The following MPZL1 variants were observed in gnomAD, a reference collection of about 807,000 sequenced individuals.
MPZL1 encodes the protein myelin protein zero-like protein 1.
In MPZL1, 16 loss-of-function variants were observed where a neutral mutation model predicts 29.3. That is an observed-to-expected ratio of 0.55 (90% confidence interval 0.37 to 0.83). The LOEUF (loss-of-function observed/expected upper bound fraction) is 0.83, where lower values mean the gene tolerates loss of function less well. Among genes scored for constraint, MPZL1 ranks in the 40% least tolerant of loss-of-function variants. MPZL1 has a pLI of 0.00. For missense variants in MPZL1, 279 were observed against 332.9 expected, an observed-to-expected ratio of 0.84 and a Z score of 1.26; for synonymous variants, 143 against 132.0, an observed-to-expected ratio of 1.08 and a Z score of -0.57.
At chr1:167,763,770 C>A (rs1661048493) in intron 1 of MPZL1, among the ~76,000 whole-genome samples, 1 of 152,156 alleles carries the variant, frequency 6.6e-6, no homozygotes. Flanking sequence ...GTTTGCATCT[C>A]CTCTGAAAGA....
At chr1:167,751,560 A>G (rs1276597864) in intron 1 of MPZL1, among the ~76,000 whole-genome samples, 2 of 151,650 alleles carry the variant, frequency 1.3e-5, no homozygotes, top group African/African-American at 4.8e-5. Context: ...AATCCCAGCT[A>G]CTCAGGAGGC....
At chr1:167,765,101 TC>T (rs1380047902) in intron 1 of MPZL1, 1 of 152,244 alleles carries the variant, frequency 6.6e-6, no homozygotes, top group Admixed American at 6.5e-5. Context: ...ATCCATAAGA[TC>T]TACAACACTA....
rs544161851 is a variant in MPZL1 at position 167,742,036 on chromosome 1, A to G, written c.91+19794A>G. Among the ~76,000 whole-genome samples the G allele has an allele frequency of 1.3e-4, 19 of 151,724 alleles. 1 individual carries two copies. The highest frequency in any genetic ancestry group is 4.6e-4 in the African/African-American group (19 of 41,400). ...TGACAAAGTGAGACCCTGCCCCCAG[A>G]AAAAAACCCTTGTTGGGAGGTCAAG... is the stretch of plus-strand genomic sequence containing the variant. On this transcript the variant is annotated intron_variant, in intron 1 of 5. Coordinates refer to ENST00000359523, the MANE Select transcript of MPZL1 (RefSeq NM_003953.6).
chr1:167,739,050 T>C (rs1165048901), intron 1 of MPZL1, among the ~76,000 whole-genome samples: 1 of 151,722 alleles, frequency 6.6e-6, no homozygotes, highest in Admixed American at 6.6e-5. Flanking sequence ...CAAGCGATTC[T>C]CCCACCTCAG....
intron 1 of MPZL1, among the ~76,000 whole-genome samples, chr1:167,747,433 C>T (rs1558114126): frequency 1.3e-5 from 2 of 152,164 alleles, no homozygotes; most frequent in African/African-American, 2.4e-5. Context: ...CTATGTTGCC[C>T]AGGCTGGTCT....
Position 167,722,116 on chromosome 1 carries a change from CGCGGCG to C in MPZL1, c.-23_-18del, listed in dbSNP as rs746853360. 43 of 1,233,258 alleles carry C rather than the reference CGCGGCG, an allele frequency of 3.5e-5. No homozygotes were observed. The African/African-American group carries it at 5.4e-4, about 16-fold the overall frequency. The allele number at this position is 1,233,258 out of a possible 1,614,324, so 76.4% of individuals were successfully genotyped here. A position where few individuals can be genotyped will look rare whatever the true frequency, so the allele number is the denominator to read the frequency against. ...CTCAGCGGGGACCCGGGCTCAGGGA[CGCGGCG>C]GCGGCGGCGGCGACTGCAGTGGCTG... On this transcript the variant is annotated 5_prime_UTR_variant, in exon 1 of 6. Coordinates refer to ENST00000359523, the MANE Select transcript of MPZL1 (RefSeq NM_003953.6).
At chr1:167,760,427 C>T (rs1279770216) in intron 1 of MPZL1, among the ~76,000 whole-genome samples, 1 of 152,120 alleles carries the variant, frequency 6.6e-6, no homozygotes, top group Non-Finnish European at 1.5e-5. Flanking sequence ...TGGTCTTGAT[C>T]TCCTGACCTC....
chr1:167,740,754 C>T (rs183092490), intron 1 of MPZL1, among the ~76,000 whole-genome samples: 1 of 152,350 alleles, frequency 6.6e-6, no homozygotes, highest in Admixed American at 6.5e-5. Flanking sequence ...TGCTTAACTC[C>T]ATTTAGAGGT....
intron 5 of MPZL1, among the ~76,000 whole-genome samples, chr1:167,778,567 T>TGGAC (rs1553256525): frequency 6.6e-6 from 1 of 151,418 alleles, no homozygotes; most frequent in Non-Finnish European, 1.5e-5. Context: ...GATGGATGGA[T>TGGAC]AGATTTAAAA....
intron 1 of MPZL1, among the ~76,000 whole-genome samples, chr1:167,755,414 C>T (rs1443041511): frequency 6.6e-6 from 1 of 152,120 alleles, no homozygotes; most frequent in Non-Finnish European, 1.5e-5. Flanking sequence ...TCCTGAAGAG[C>T]AATTTTAATA....
chr1:167,776,203 C>G (rs551514276), intron 5 of MPZL1, 37 bp downstream of exon 5: 1 of 1,485,128 alleles, frequency 6.7e-7, no homozygotes, highest in South Asian at 1.2e-5. Flanking sequence ...CTGCACTGTT[C>G]CCTACAGCTT....
At position 167,790,341 on chromosome 1, in the gene MPZL1, TG is replaced by T; in HGVS notation, c.*2422del. On this transcript the variant is annotated 3_prime_UTR_variant, in exon 6 of 6. Transcript: ENST00000359523. ...GACACCTCAAACTCTGTCAGTGCCC[TG>T]GCATTCTGGCAGAGAATCCTCACCA... The T allele has an allele frequency of 6.6e-6, 1 of 152,458 alleles. No individual in the cohort carries two copies. 9.4% of individuals were successfully genotyped at this position (152,458 alleles called of 1,614,324 possible).
In MPZL1 at chr1:167,789,414, C is replaced by T. The variant is rs10125; in HGVS notation, c.*1493C>T. On this transcript the variant is annotated 3_prime_UTR_variant, in exon 6 of 6. Transcript: ENST00000359523. ...TGAGGGGCAATGTTACTTTTTCTCC[C>T]TGTAGTTTGGAGTCCATTATGAGCT... is the stretch of plus-strand genomic sequence containing the variant. 26,194 of 152,020 alleles carry T rather than the reference C, an allele frequency of 0.17. 2,815 individuals carry two copies. Among genetic ancestry groups the T allele is most frequent in the East Asian group, 0.36 (1,879 of 5,158 alleles). The allele number at this position is 152,020 out of a possible 1,614,324, so 9.4% of individuals were successfully genotyped here.
chr1:167,742,719 C>T (rs1660558031), intron 1 of MPZL1, among the ~76,000 whole-genome samples: 1 of 152,122 alleles, frequency 6.6e-6, no homozygotes, highest in Non-Finnish European at 1.5e-5. Context: ...AAGCTAATGT[C>T]TAGAAGGGTT....
intron 2 of MPZL1, among the ~76,000 whole-genome samples, chr1:167,769,230 T>C (rs768785754): frequency 4.6e-5 from 7 of 152,148 alleles, no homozygotes; most frequent in Non-Finnish European, 7.4e-5. Flanking sequence ...CACACCTTGC[T>C]AGCAAAGGCA....
chr1:167,749,506 T>A (rs1270674368), intron 1 of MPZL1, among the ~76,000 whole-genome samples: 1 of 152,202 alleles, frequency 6.6e-6, no homozygotes, highest in Non-Finnish European at 1.5e-5. Context: ...AGAGGCATAT[T>A]TGGCCACTGG....
rs117339411 is a variant in MPZL1, at chr1:167,775,034, G to A, written c.606-1030G>A. 3.3e-5 allele frequency among the ~76,000 whole-genome samples: 5 copies of A among 152,318 alleles called. No individual in the cohort carries two copies. In the East Asian group the frequency reaches 9.6e-4, roughly 29 times the overall value. Reference sequence around the variant, plus strand: ...TATCTGGATGAAATTGGATTGTGAAGTTACATAGAGTTTTTATGCACATCT... The same window carrying A: ...TATCTGGATGAAATTGGATTGTGAAATTACATAGAGTTTTTATGCACATCT... On this transcript the variant is annotated intron_variant, in intron 4 of 5. Transcript: ENST00000359523.
At chr1:167,763,903 A>G (rs1661052016) in intron 1 of MPZL1, among the ~76,000 whole-genome samples, 1 of 152,232 alleles carries the variant, frequency 6.6e-6, no homozygotes, top group East Asian at 1.9e-4. Context: ...TATTTAAAAG[A>G]ATAGCCAAAA....
chr1:167,727,886 T>G (rs1422471659), intron 1 of MPZL1, among the ~76,000 whole-genome samples: 1 of 150,676 alleles, frequency 6.6e-6, no homozygotes, highest in Non-Finnish European at 1.5e-5. Flanking sequence ...TTTTTTTTTT[T>G]GAGACAGAGT....
Sources: gnomAD v4.1 joint callset for allele counts (sites outside exome capture counted in the v4.1 genomes callset) on GRCh38, gnomAD v4.1.1 for gene constraint, MANE v1.5 for transcripts, NCBI Gene and HGNC (gene_info 2026-07-23, HGNC 2026-07-21) for gene names.